Variants in SLC30A6 observed in about 807,000 individuals in gnomAD.
The protein encoded by SLC30A6 is zinc transporter 6.
In SLC30A6, 55 loss-of-function variants were observed where a neutral mutation model predicts 63.0. The ratio of observed to expected loss-of-function variants is 0.87; its 90% CI spans 0.70 to 1.09. The LOEUF (loss-of-function observed/expected upper bound fraction) is 1.09, where lower values mean the gene tolerates loss of function less well. SLC30A6 is among the 50% of genes least tolerant of loss of function. The pLI is 0.00. For synonymous variants in SLC30A6, 224 were observed against 186.1 expected, an observed-to-expected ratio of 1.20 and a Z score of -1.66; for missense variants, 587 against 549.2, an observed-to-expected ratio of 1.07 and a Z score of -0.69.
chr2:32,196,246 C>T (rs1683777104), intron 8 of SLC30A6, among the ~76,000 whole-genome samples: 1 of 151,580 alleles, frequency 6.6e-6, no homozygotes, highest in Non-Finnish European at 1.5e-5. Flanking sequence ...ACCCGGTAGG[C>T]GGAGGTTGCA....
At chr2:32,192,243 A>G (rs1182373124) in intron 5 of SLC30A6, 93 bp from the exon 6 acceptor site, 3 of 1,135,610 alleles carry the variant, frequency 2.6e-6, no homozygotes, top group Admixed American at 3.6e-5. Context: ...TATGTATATT[A>G]AGTGAGCAAA....
chr2:32,196,358 A>C (rs529026412), intron 8 of SLC30A6, among the ~76,000 whole-genome samples: 1 of 152,270 alleles, frequency 6.6e-6, no homozygotes, highest in Admixed American at 6.5e-5. Context: ...ATTACTTGAA[A>C]TTTGAGTGGG....
At chr2:32,206,840 T>A in intron 11 of SLC30A6, 46 bp from the exon 12 acceptor site, 1 of 1,528,622 alleles carries the variant, frequency 6.5e-7, no homozygotes, top group Non-Finnish European at 9.1e-7. Context: ...GTTGGCAAAC[T>A]TTTTTCCTTC....
rs1000480124 is a variant in SLC30A6, at chr2:32,200,001, A to C, written c.665+2175A>C. On this transcript the variant is annotated intron_variant, in intron 10 of 13. Coordinates refer to ENST00000282587, the MANE Select transcript of SLC30A6 (RefSeq NM_017964.5). ...GTGGTGATGCACACCTGTAATCCCA[A>C]CCACCTGGGAGGCTGAAGCAGGAGA... Among the ~76,000 whole-genome samples, 3 of 152,008 alleles carry C rather than the reference A, an allele frequency of 2.0e-5. No homozygotes were observed. The South Asian group carries it at 6.2e-4, about 32-fold the overall frequency.
chr2:32,177,199 G>A (rs988637003), intron 4 of SLC30A6, among the ~76,000 whole-genome samples: 27 of 152,048 alleles, frequency 1.8e-4, no homozygotes, highest in African/African-American at 5.6e-4. Context: ...TTTTTCTCGC[G>A]ATAGATTTAC....
At chr2:32,197,464 C>T in intron 9 of SLC30A6, 72 bp downstream of exon 9, 1 of 1,450,948 alleles carries the variant, frequency 6.9e-7, no homozygotes. Flanking sequence ...ATCATGGGAA[C>T]TTAAATTATT....
rs1163709928 is a variant in SLC30A6, at chr2:32,221,614, C to A, written c.*901C>A. The A allele has an allele frequency of 6.6e-6, 1 of 152,168 alleles. No homozygotes were observed. Among genetic ancestry groups the A allele is most frequent in the Admixed American group, 6.5e-5 (1 of 15,272 alleles). The allele number at this position is 152,168 out of a possible 1,614,324, so 9.4% of individuals were successfully genotyped here. ...TGAGGTTCTCCTGAATTATGTCTTA[C>A]AAACTAAAAGCAAAAATTTTTAGCA... On this transcript the variant is annotated 3_prime_UTR_variant, in exon 14 of 14. Coordinates refer to ENST00000282587, the MANE Select transcript of SLC30A6 (RefSeq NM_017964.5).
At chr2:32,218,669 G>A (rs1236274786) in intron 13 of SLC30A6, among the ~76,000 whole-genome samples, 1 of 152,134 alleles carries the variant, frequency 6.6e-6, no homozygotes, top group Non-Finnish European at 1.5e-5. Context: ...TGATTTTCCT[G>A]CCTCAGCCTC....
chr2:32,198,612 T>A (rs1261183334), intron 10 of SLC30A6, among the ~76,000 whole-genome samples: 1 of 152,208 alleles, frequency 6.6e-6, no homozygotes, highest in Non-Finnish European at 1.5e-5. Context: ...AGATGGAGTT[T>A]CGCTCTTGGT....
chr2:32,182,160 CTT>C (rs1682384290), intron 4 of SLC30A6, among the ~76,000 whole-genome samples: 1 of 151,952 alleles, frequency 6.6e-6, no homozygotes, highest in African/African-American at 2.4e-5. Flanking sequence ...GTCTTGTACT[CTT>C]GGGCTCTCAA....
At chr2:32,212,999 G>A (rs1232501066) in intron 13 of SLC30A6, among the ~76,000 whole-genome samples, 2 of 147,596 alleles carry the variant, frequency 1.4e-5, no homozygotes, top group Non-Finnish European at 3.0e-5. Flanking sequence ...TCAAATGTCT[G>A]GGCTCAGATG....
At chr2:32,185,370 A>C (rs1682713545) in intron 5 of SLC30A6, among the ~76,000 whole-genome samples, 1 of 151,896 alleles carries the variant, frequency 6.6e-6, no homozygotes. Context: ...AAAAAAAAAA[A>C]TTTACTGAAA....
At chr2:32,207,627 G>A (rs1167526188) in intron 12 of SLC30A6, among the ~76,000 whole-genome samples, 16 of 150,714 alleles carry the variant, frequency 1.1e-4, no homozygotes, top group Non-Finnish European at 2.1e-4. Flanking sequence ...CACCCGCCTC[G>A]GCCTCCCAAA....
chr2:32,203,327 A>C, intron 10 of SLC30A6: 3 of 918,864 alleles, frequency 3.3e-6, no homozygotes, highest in Non-Finnish European at 5.5e-6. Flanking sequence ...AGTAGGAATT[A>C]CTTTTAAATG....
chr2:32,168,084 G>A (rs1051821535), intron 1 of SLC30A6, among the ~76,000 whole-genome samples: 13 of 152,102 alleles, frequency 8.5e-5, no homozygotes, highest in African/African-American at 3.1e-4. Flanking sequence ...ATATCTTTAT[G>A]CTTGAAACAT....
intron 2 of SLC30A6, among the ~76,000 whole-genome samples, chr2:32,172,554 C>T (rs1020553398): frequency 1.3e-5 from 2 of 151,994 alleles, no homozygotes; most frequent in African/African-American, 2.4e-5. Flanking sequence ...CTTTTGTGCT[C>T]CCCTTCCCTC....
intron 13 of SLC30A6, among the ~76,000 whole-genome samples, chr2:32,218,838 T>C (rs987684847): frequency 6.6e-6 from 1 of 152,166 alleles, no homozygotes; most frequent in Non-Finnish European, 1.5e-5. Context: ...ATTATAGGCA[T>C]GAGCCACTGC....
At chr2:32,168,247 A>T (rs1289241557) in intron 1 of SLC30A6, among the ~76,000 whole-genome samples, 1 of 151,968 alleles carries the variant, frequency 6.6e-6, no homozygotes, top group African/African-American at 2.4e-5. Flanking sequence ...TTTATAAAGC[A>T]CTGAAAACCT....
intron 5 of SLC30A6, among the ~76,000 whole-genome samples, chr2:32,188,618 C>T (rs1205060093): frequency 2.0e-5 from 3 of 152,062 alleles, no homozygotes; most frequent in South Asian, 2.1e-4. Context: ...CACTTGAGAC[C>T]GGGAGGCGGA....
Sources: allele counts gnomAD v4.1 joint callset (sites outside exome capture counted in the v4.1 genomes callset), GRCh38; gene constraint gnomAD v4.1.1; transcripts MANE v1.5; gene names NCBI Gene and HGNC (gene_info 2026-07-23, HGNC 2026-07-21).